SCMH1: variants seen among roughly 807,000 people sequenced by gnomAD.
SCMH1 encodes the protein polycomb protein SCMH1.
A neutral mutation model predicts 70.8 loss-of-function variants in SCMH1; 37 were observed. That is an observed-to-expected ratio of 0.52 (90% confidence interval 0.40 to 0.69). The LOEUF (loss-of-function observed/expected upper bound fraction) is 0.69. SCMH1 is among the 30% of genes least tolerant of loss of function. The pLI is 0.00. For synonymous variants in SCMH1, 292 were observed against 307.4 expected (o/e 0.95, Z 0.52); for missense variants, 607 against 827.3 (o/e 0.73, Z 3.27).
intron 1 of SCMH1, among the ~76,000 whole-genome samples, chr1:41,200,484 T>C (rs1402504528): frequency 1.4e-5 from 2 of 145,990 alleles, no homozygotes; most frequent in African/African-American, 4.9e-5. Context: ...CTCAAAAAAA[T>C]ATATAAATAA....
intron 4 of SCMH1, among the ~76,000 whole-genome samples, chr1:41,154,858 A>G (rs1250327426): frequency 6.6e-6 from 1 of 152,238 alleles, no homozygotes; most frequent in East Asian, 1.9e-4. Context: ...TTCATTCAAC[A>G]GATACTTATT....
chr1:41,233,176 A>C (rs182817389), intron 1 of SCMH1, among the ~76,000 whole-genome samples: 2 of 152,204 alleles, frequency 1.3e-5, no homozygotes, highest in African/African-American at 2.4e-5. Context: ...TTGAATCAGG[A>C]CTCTTAATCC....
In SCMH1 at chr1:41,028,743, CACCT is replaced by C; in HGVS notation, c.1679-21_1679-18del. On this transcript the variant is annotated intron_variant, in intron 13 of 14. Coordinates refer to ENST00000337495, the Ensembl canonical transcript of SCMH1. ...GGTCCGACCCTGCAGGACAGGAGGG[CACCT>C]ACCATAAAGGGCGGGGACTGGTTTG... 1 of 1,613,266 alleles carries C rather than the reference CACCT, an allele frequency of 6.2e-7. No homozygotes were observed. The highest frequency in any genetic ancestry group is 8.5e-7 in the Non-Finnish European group (1 of 1,179,628).
At chr1:41,030,784 C>T (rs1302080154) in intron 13 of SCMH1, among the ~76,000 whole-genome samples, 1 of 152,218 alleles carries the variant, frequency 6.6e-6, no homozygotes, top group Non-Finnish European at 1.5e-5. Context: ...TGCTATGTTG[C>T]TGACACATAA....
chr1:41,068,006 A>G (rs1469999693), intron 10 of SCMH1, among the ~76,000 whole-genome samples: 2 of 152,194 alleles, frequency 1.3e-5, no homozygotes, highest in Non-Finnish European at 2.9e-5. Context: ...GAACAACAAA[A>G]AGAGCTCTTG....
At chr1:41,047,459 C>T (rs535577411) in intron 11 of SCMH1, among the ~76,000 whole-genome samples, 10 of 148,248 alleles carry the variant, frequency 6.7e-5, no homozygotes, top group East Asian at 2.0e-4. Context: ...TGCAATGGCA[C>T]GATCTCAGCT....
At chr1:41,201,865 T>C (rs1490653796) in intron 1 of SCMH1, among the ~76,000 whole-genome samples, 3 of 152,184 alleles carry the variant, frequency 2.0e-5, no homozygotes, top group Non-Finnish European at 4.4e-5. Context: ...TCAGGCAGAA[T>C]AGTGCTCAGT....
At chr1:41,055,667 T>A (rs945993971) in intron 10 of SCMH1, among the ~76,000 whole-genome samples, 1 of 152,212 alleles carries the variant, frequency 6.6e-6, no homozygotes, top group Non-Finnish European at 1.5e-5. Context: ...GCTGCATGCC[T>A]TCAGGTTTCC....
chr1:41,185,872 A>AC, intron 2 of SCMH1: 1 of 277,028 alleles, frequency 3.6e-6, no homozygotes. Flanking sequence ...TGATCCGCCC[A>AC]CCTTGGCTTC....
intron 13 of SCMH1, among the ~76,000 whole-genome samples, chr1:41,030,527 T>A (rs555008839): frequency 2.0e-5 from 3 of 152,326 alleles, no homozygotes; most frequent in African/African-American, 7.2e-5. Context: ...TTTTCCCAAA[T>A]CTTTTCATGC....
chr1:41,058,746 C>A (rs1558521828), intron 10 of SCMH1, among the ~76,000 whole-genome samples: 1 of 152,092 alleles, frequency 6.6e-6, no homozygotes, highest in Non-Finnish European at 1.5e-5. Context: ...TCTTGTGAGA[C>A]TTTAGTAAGT....
At chr1:41,178,956 T>C (rs542092021) in intron 2 of SCMH1, among the ~76,000 whole-genome samples, 5 of 152,230 alleles carry the variant, frequency 3.3e-5, no homozygotes, top group South Asian at 4.2e-4. Context: ...CACACCACAC[T>C]TATTCCAAAA....
chr1:41,212,065 A>T (rs1657149861), intron 1 of SCMH1, among the ~76,000 whole-genome samples: 1 of 152,162 alleles, frequency 6.6e-6, no homozygotes, highest in African/African-American at 2.4e-5. Flanking sequence ...TACCTAATGT[A>T]AATGAGTTGA....
intron 6 of SCMH1, among the ~76,000 whole-genome samples, chr1:41,135,495 T>G (rs1476996985): frequency 6.6e-6 from 1 of 152,214 alleles, no homozygotes; most frequent in African/African-American, 2.4e-5. Context: ...TTCTCTTTCC[T>G]GCTGCCCTGT....
intron 10 of SCMH1, among the ~76,000 whole-genome samples, chr1:41,051,402 T>G (rs1330190572): frequency 6.6e-6 from 1 of 152,246 alleles, no homozygotes; most frequent in Admixed American, 6.5e-5. Flanking sequence ...TAGAGTGTAC[T>G]CCTACTTATT....
chr1:41,134,718 T>C (rs879215532), intron 6 of SCMH1, among the ~76,000 whole-genome samples: 2 of 152,242 alleles, frequency 1.3e-5, no homozygotes, highest in Non-Finnish European at 2.9e-5. Flanking sequence ...GTTTTCTTTA[T>C]GTAAGTTTCA....
intron 1 of SCMH1, among the ~76,000 whole-genome samples, chr1:41,201,166 A>C (rs749007496): frequency 6.6e-6 from 1 of 152,190 alleles, no homozygotes; most frequent in Non-Finnish European, 1.5e-5. Flanking sequence ...GCATCCATAA[A>C]CCATTCTGTA....
In SCMH1 at chr1:41,149,373, G is replaced by A. The variant is rs761695356; in HGVS notation, c.177+2241C>T. Among the ~76,000 whole-genome samples the A allele has an allele frequency of 2.0e-5, 3 of 152,006 alleles. No individual in the cohort carries two copies. The South Asian group carries it at 6.2e-4, about 31-fold the overall frequency. ...AGTGAGTCTTTTTAATATCTTCCAT[G>A]TCTCTGCTTAATATCTGAATATAAC... On this transcript the variant is annotated intron_variant, in intron 5 of 14. Coordinates refer to ENST00000337495, the Ensembl canonical transcript of SCMH1.
At chr1:41,080,338 T>C (rs1330873294) in intron 8 of SCMH1, among the ~76,000 whole-genome samples, 1 of 152,104 alleles carries the variant, frequency 6.6e-6, no homozygotes, top group Non-Finnish European at 1.5e-5. Context: ...AAAGCCTCTT[T>C]TGAAAAATAG....
Sources: gnomAD v4.1 joint callset for allele counts (sites outside exome capture counted in the v4.1 genomes callset) on GRCh38, gnomAD v4.1.1 for gene constraint, MANE v1.5 for transcripts, NCBI Gene and HGNC (gene_info 2026-07-23, HGNC 2026-07-21) for gene names.